The following EPHA3 variants were observed in gnomAD, a reference collection of about 807,000 sequenced individuals.
The protein encoded by EPHA3 is ephrin type-A receptor 3.
In EPHA3, 42 loss-of-function variants were observed where a neutral mutation model predicts 107.1. The observed-to-expected ratio is 0.39, with a 90% CI of 0.31 to 0.51. The LOEUF is 0.51. Ranked by LOEUF, EPHA3 falls within the 20% of genes least tolerant of loss-of-function variation. EPHA3 has a pLI of 0.78. For synonymous variants in EPHA3, 461 were observed against 424.8 expected (o/e 1.09, Z -1.05); for missense variants, 1,183 against 1,211.2 (o/e 0.98, Z 0.35).
At chr3:89,187,664 A>G (rs939691954) in intron 2 of EPHA3, among the ~76,000 whole-genome samples, 1 of 152,076 alleles carries the variant, frequency 6.6e-6, no homozygotes, top group African/African-American at 2.4e-5. Context: ...TTAACTGGTA[A>G]ATACTGTAGA....
At chr3:89,236,592 GA>G (rs1704768419) in intron 3 of EPHA3, among the ~76,000 whole-genome samples, 4 of 66,356 alleles carry the variant, frequency 6.0e-5, no homozygotes, top group South Asian at 1.1e-3. Flanking sequence ...GGGGTGGGGG[GA>G]GGGGGGAGGG....
intron 3 of EPHA3, among the ~76,000 whole-genome samples, chr3:89,281,390 A>T (rs148360034): frequency 6.6e-6 from 1 of 152,140 alleles, no homozygotes; most frequent in Non-Finnish European, 1.5e-5. Context: ...CTTGCCCAAG[A>T]CCAAAAACCA....
chr3:89,469,106 T>C (rs1282852357), intron 15 of EPHA3, among the ~76,000 whole-genome samples: 1 of 152,166 alleles, frequency 6.6e-6, no homozygotes, highest in Non-Finnish European at 1.5e-5. Flanking sequence ...TTAGTAAAAC[T>C]AAACTATATC....
At chr3:89,437,744 A>T (rs1270772666) in intron 13 of EPHA3, among the ~76,000 whole-genome samples, 2 of 152,172 alleles carry the variant, frequency 1.3e-5, no homozygotes, top group Non-Finnish European at 2.9e-5. Flanking sequence ...TTTCTGTTTT[A>T]TACAGGATCA....
At chr3:89,425,460 G>A (rs775901012) in intron 11 of EPHA3, among the ~76,000 whole-genome samples, 8 of 149,184 alleles carry the variant, frequency 5.4e-5, no homozygotes, top group Non-Finnish European at 7.5e-5. Flanking sequence ...TAGCGGCTAA[G>A]GTCAAAGGTT....
intron 5 of EPHA3, among the ~76,000 whole-genome samples, chr3:89,358,376 C>A (rs1708012667): frequency 1.3e-5 from 2 of 151,002 alleles, no homozygotes; most frequent in South Asian, 4.2e-4. Flanking sequence ...TTAGATAACT[C>A]CAGGTTTTCT....
At chr3:89,388,093 A>T (rs1299360926) in intron 5 of EPHA3, among the ~76,000 whole-genome samples, 1 of 152,234 alleles carries the variant, frequency 6.6e-6, no homozygotes, top group Admixed American at 6.5e-5. Context: ...TTACTATAGA[A>T]ATTGAATAAC....
intron 7 of EPHA3, among the ~76,000 whole-genome samples, chr3:89,405,870 G>A (rs779979690): frequency 6.6e-6 from 1 of 152,148 alleles, no homozygotes; most frequent in Non-Finnish European, 1.5e-5. Context: ...GGAGTTTGTA[G>A]GAGATGTGGC....
At chr3:89,121,227 C>G (rs926222275) in intron 1 of EPHA3, among the ~76,000 whole-genome samples, 1 of 150,796 alleles carries the variant, frequency 6.6e-6, no homozygotes, top group Non-Finnish European at 1.5e-5. Flanking sequence ...CAGAGCGAGA[C>G]TCCGTCTCAA....
At chr3:89,376,142 T>TA (rs1159243495) in intron 5 of EPHA3, among the ~76,000 whole-genome samples, 1 of 151,920 alleles carries the variant, frequency 6.6e-6, no homozygotes, top group Non-Finnish European at 1.5e-5. Context: ...TTATTAATTT[T>TA]AAAAAGACCC....
intron 3 of EPHA3, among the ~76,000 whole-genome samples, chr3:89,304,728 A>G (rs73846135): frequency 0.017 from 2,550 of 152,184 alleles, 80 homozygotes; most frequent in African/African-American, 0.057. Flanking sequence ...TGTAATATGC[A>G]TATTTATTAT....
At chr3:89,309,192 AG>A (rs894985832) in intron 3 of EPHA3, among the ~76,000 whole-genome samples, 4 of 152,160 alleles carry the variant, frequency 2.6e-5, no homozygotes, top group African/African-American at 4.8e-5. Flanking sequence ...TTGAATTGGT[AG>A]GAGTTAGAGA....
intron 5 of EPHA3, among the ~76,000 whole-genome samples, chr3:89,379,025 A>G (rs910580551): frequency 6.6e-6 from 1 of 152,110 alleles, no homozygotes; most frequent in African/African-American, 2.4e-5. Flanking sequence ...AAAATTCTTC[A>G]GATAAATTAA....
At chr3:89,405,386 G>A (rs1235245713) in intron 7 of EPHA3, among the ~76,000 whole-genome samples, 1 of 152,174 alleles carries the variant, frequency 6.6e-6, no homozygotes, top group African/African-American at 2.4e-5. Flanking sequence ...GCTGGAGGCT[G>A]TCTGCTGACT....
chr3:89,190,004 T>C (rs1705669109), intron 2 of EPHA3, among the ~76,000 whole-genome samples: 1 of 152,188 alleles, frequency 6.6e-6, no homozygotes, highest in Non-Finnish European at 1.5e-5. Context: ...GGTACCTCGT[T>C]CAGAAATTTA....
chr3:89,340,912 G>T lies in EPHA3; in HGVS notation c.815-4G>T. The T allele has an allele frequency of 6.3e-7, 1 of 1,596,186 alleles. No individual in the cohort carries two copies. The highest frequency in any genetic ancestry group is 8.5e-7 in the Non-Finnish European group (1 of 1,173,508). ...CTTTTAAAAGAGAGTCATTTTGTTT[G>T]TAGCTTGTCGACCAGGTTTCTACAA... On this transcript the variant is annotated splice_polypyrimidine_tract_variant and splice_region_variant and intron_variant, in intron 3 of 16. Transcript: ENST00000336596.
At chr3:89,128,437 A>T (rs1416709571) in intron 2 of EPHA3, among the ~76,000 whole-genome samples, 1 of 152,146 alleles carries the variant, frequency 6.6e-6, no homozygotes, top group Non-Finnish European at 1.5e-5. Flanking sequence ...AGCACAGCCT[A>T]GGTTGTCATA....
intron 3 of EPHA3, 56 bp downstream of exon 3, chr3:89,210,576 T>C (rs1468585832): frequency 3.0e-5 from 44 of 1,484,826 alleles, no homozygotes; most frequent in Non-Finnish European, 3.7e-5. Flanking sequence ...GAGTTTATCA[T>C]AGTGTCATTA....
chr3:89,140,936 A>G lies in EPHA3; in HGVS notation c.153+13663A>G, dbSNP rs894746761. Among the ~76,000 whole-genome samples, 5 of 151,702 alleles carry G rather than the reference A, an allele frequency of 3.3e-5. No individual in the cohort carries two copies. The South Asian group carries it at 6.2e-4, about 19-fold the overall frequency. On this transcript the variant is annotated intron_variant, in intron 2 of 16. Transcript: ENST00000336596. ...AGCTAATATTTCTCTAAAGGGCTAT[A>G]TACTATTCCTAGTGCTTTCGATATA... is the stretch of plus-strand genomic sequence containing the variant.
Sources: gnomAD v4.1 joint callset for allele counts (sites outside exome capture counted in the v4.1 genomes callset) on GRCh38, gnomAD v4.1.1 for gene constraint, MANE v1.5 for transcripts, NCBI Gene and HGNC (gene_info 2026-07-23, HGNC 2026-07-21) for gene names.